ASIP: variants seen among roughly 807,000 people sequenced by gnomAD.
The protein encoded by ASIP is agouti signaling protein, also known as agouti-signaling protein.
Under a neutral mutation model 10.3 loss-of-function variants are expected in ASIP, and 11 were observed. That is an observed-to-expected ratio of 1.07 (90% confidence interval 0.68 to 1.78). ASIP has a LOEUF of 1.78. Ranked by LOEUF, ASIP falls within the 40% of genes most tolerant of loss-of-function variation. The probability of loss-of-function intolerance (pLI) is 0.00; values close to 1 mark genes in which losing one functional copy is unlikely to be tolerated. For synonymous variants in ASIP, 70 were observed against 70.8 expected, an observed-to-expected ratio of 0.99 and a Z score of 0.06; for missense variants, 180 against 169.2, an observed-to-expected ratio of 1.06 and a Z score of -0.35.
chr20:34,245,666 G>A (rs2035362553), intron 1 of ASIP, among the ~76,000 whole-genome samples: 1 of 151,948 alleles, frequency 6.6e-6, no homozygotes, highest in African/African-American at 2.4e-5. Flanking sequence ...TGGGATTACA[G>A]GCGTGAGCCA....
intron 1 of ASIP, among the ~76,000 whole-genome samples, chr20:34,203,383 C>CAT (rs983046838): frequency 2.1e-4 from 32 of 151,306 alleles, no homozygotes; most frequent in African/African-American, 6.3e-4. Context: ...TTATAAGTGG[C>CAT]ATATATATAT....
At chr20:34,207,339 TGTATGCC>T in intron 1 of ASIP, among the ~76,000 whole-genome samples, 1 of 152,360 alleles carries the variant, frequency 6.6e-6, no homozygotes, top group South Asian at 2.1e-4. Context: ...GTTGGCCCTT[TGTATGCC>T]TTCTTTTGAG....
At chr20:34,216,239 G>T (rs1601575135) in intron 1 of ASIP, among the ~76,000 whole-genome samples, 1 of 152,210 alleles carries the variant, frequency 6.6e-6, no homozygotes, top group Non-Finnish European at 1.5e-5. Flanking sequence ...GAAAGAGCGC[G>T]AGGGCCAGCT....
At chr20:34,192,500 C>T (rs1265311546), upstream of ASIP, among the ~76,000 whole-genome samples, 2 of 150,386 alleles carry the variant, frequency 1.3e-5, no homozygotes, top group Non-Finnish European at 2.9e-5. Flanking sequence ...TTCTCTTTTT[C>T]CTTTCCTTTT....
intron 1 of ASIP, among the ~76,000 whole-genome samples, chr20:34,220,705 T>C (rs150109252): frequency 1.3e-3 from 201 of 151,956 alleles, no homozygotes; most frequent in African/African-American, 4.3e-3. Context: ...TGAACTGACA[T>C]AGGGAGGCAG....
intron 1 of ASIP, among the ~76,000 whole-genome samples, chr20:34,244,430 T>A (rs1392335037): frequency 6.6e-6 from 1 of 152,166 alleles, no homozygotes; most frequent in Non-Finnish European, 1.5e-5. Context: ...GGCCTTCCAC[T>A]CAGAACAATG....
At chr20:34,186,846 G>A in the ASIP span, among the ~76,000 whole-genome samples, 1,224 of 152,086 alleles carry the variant, frequency 8.0e-3, 17 homozygotes, top group African/African-American at 0.028. Context: ...ATGGAGTCTC[G>A]CTCTGTTGCC....
upstream of ASIP, among the ~76,000 whole-genome samples, chr20:34,192,086 T>C (rs1018051453): frequency 6.6e-6 from 1 of 151,636 alleles, no homozygotes; most frequent in Non-Finnish European, 1.5e-5. Context: ...TTGTTGCCCA[T>C]GGTGCAATGG....
chr20:34,217,719 G>A (rs1164910436), intron 1 of ASIP, among the ~76,000 whole-genome samples: 2 of 151,910 alleles, frequency 1.3e-5, no homozygotes, highest in South Asian at 2.1e-4. Flanking sequence ...CCACCACCAC[G>A]CCCGGCTAAT....
intron 1 of ASIP, among the ~76,000 whole-genome samples, chr20:34,212,058 C>A (rs1265965061): frequency 6.6e-6 from 1 of 151,984 alleles, no homozygotes; most frequent in Non-Finnish European, 1.5e-5. Flanking sequence ...ATTTTACATT[C>A]TTTTCTGTAT....
At chr20:34,189,066 C>G in the ASIP span, among the ~76,000 whole-genome samples, 1 of 152,156 alleles carries the variant, frequency 6.6e-6, no homozygotes, top group Non-Finnish European at 1.5e-5. Flanking sequence ...CTATCGAGTG[C>G]TGTCATTTAG....
intron 1 of ASIP, among the ~76,000 whole-genome samples, chr20:34,232,299 TGAG>T (rs1218296164): frequency 5.3e-5 from 8 of 152,186 alleles, no homozygotes; most frequent in Non-Finnish European, 1.0e-4. Flanking sequence ...CTCTATAAGA[TGAG>T]GAGGAGCATA....
intron 3 of ASIP, among the ~76,000 whole-genome samples, chr20:34,267,540 A>T (rs1012277486): frequency 3.6e-5 from 5 of 138,056 alleles, no homozygotes; most frequent in East Asian, 2.1e-4. Flanking sequence ...TTATTTATTT[A>T]TTTTTTTTGA....
intron 1 of ASIP, among the ~76,000 whole-genome samples, chr20:34,219,035 C>T (rs996512967): frequency 1.3e-5 from 2 of 152,268 alleles, no homozygotes; most frequent in South Asian, 2.1e-4. Context: ...AAACCTATGG[C>T]TCTTGTATAC....
intron 1 of ASIP, among the ~76,000 whole-genome samples, chr20:34,226,930 G>A (rs2035097265): frequency 6.6e-6 from 1 of 151,996 alleles, no homozygotes; most frequent in Admixed American, 6.6e-5. Flanking sequence ...TCTACAATAA[G>A]GAACAAGGCA....
intron 1 of ASIP, among the ~76,000 whole-genome samples, chr20:34,244,727 C>A (rs549798713): frequency 2.6e-5 from 4 of 152,148 alleles, no homozygotes; most frequent in Non-Finnish European, 4.4e-5. Flanking sequence ...TTTCAAACAG[C>A]GCACATTCAT....
At chr20:34,191,728 CTCTT>C (rs1463806682), upstream of ASIP, among the ~76,000 whole-genome samples, 2 of 135,708 alleles carry the variant, frequency 1.5e-5, no homozygotes, top group South Asian at 4.4e-4. Flanking sequence ...CTCTCTCTCT[CTCTT>C]TTTTTTTTTT....
chr20:34,239,025 AATACTTTCC>A (rs1343428748), upstream of ASIP, among the ~76,000 whole-genome samples: 2 of 152,142 alleles, frequency 1.3e-5, no homozygotes, highest in East Asian at 3.9e-4. Flanking sequence ...ATCTTCCCAG[AATACTTTCC>A]TGGCTAATTA....
chr20:34,214,495 T>C, intron 1 of ASIP: 1 of 1,508,234 alleles, frequency 6.6e-7, no homozygotes. Flanking sequence ...TGGAAGAGCT[T>C]CTGCCAACAT....
Sources: allele counts gnomAD v4.1 joint callset (sites outside exome capture counted in the v4.1 genomes callset), GRCh38; gene constraint gnomAD v4.1.1; transcripts MANE v1.5; gene names NCBI Gene and HGNC (gene_info 2026-07-23, HGNC 2026-07-21).